MGLL: variants seen among roughly 807,000 people sequenced by gnomAD.
MGLL encodes the protein lysophospholipase homolog.
Under a neutral mutation model 29.1 loss-of-function variants are expected in MGLL, and 7 were observed. The ratio of observed to expected loss-of-function variants is 0.24; its 90% CI spans 0.14 to 0.45. The LOEUF (loss-of-function observed/expected upper bound fraction) is 0.45, where lower values mean the gene tolerates loss of function less well. MGLL is among the 20% of genes least tolerant of loss of function. The probability of loss-of-function intolerance (pLI) is 0.99; values close to 1 mark genes in which losing one functional copy is unlikely to be tolerated. For missense variants in MGLL, 356 were observed against 413.6 expected (o/e 0.86, Z 1.21); for synonymous variants, 148 against 168.3 (o/e 0.88, Z 0.93).
At chr3:127,729,718 AT>A (rs1243135183) in intron 3 of MGLL, among the ~76,000 whole-genome samples, 1 of 152,080 alleles carries the variant, frequency 6.6e-6, no homozygotes, top group Non-Finnish European at 1.5e-5. Flanking sequence ...CTATTTCTGG[AT>A]TTCTGCTCAG....
intron 2 of MGLL, among the ~76,000 whole-genome samples, chr3:127,816,249 T>C (rs1276821823): frequency 6.6e-6 from 1 of 152,158 alleles, no homozygotes; most frequent in Non-Finnish European, 1.5e-5. Context: ...TCACACTCCC[T>C]TCTACACTCA....
intron 3 of MGLL, among the ~76,000 whole-genome samples, chr3:127,759,280 A>AC (rs138465739): frequency 0.029 from 4,479 of 152,000 alleles, 221 homozygotes; most frequent in African/African-American, 0.1. Context: ...CTATTCTGTG[A>AC]CCCCAGCAAC....
intron 3 of MGLL, among the ~76,000 whole-genome samples, chr3:127,771,651 C>T (rs562609215): frequency 1.1e-4 from 17 of 152,276 alleles, no homozygotes; most frequent in South Asian, 1.0e-3. Context: ...CCACCAAGCC[C>T]GGCCTTCTCC....
chr3:127,821,786 C>T lies in MGLL; in HGVS notation c.63G>A (p.Pro21=), dbSNP rs375899676. 136 of 1,614,042 alleles carry T rather than the reference C, an allele frequency of 8.4e-5. No individual in the cohort carries two copies. Among genetic ancestry groups the T allele is most frequent in the Non-Finnish European group, 1.1e-4 (130 of 1,179,970 alleles). The stretch of plus-strand genomic sequence containing the variant: ...GGAGGTCCTGGTAGGGAATGCTCTG[C>T]GGGGTCCGCCTGGGGGAACTTTCCT... ...MPEESSPRRT[P]QSIPYQDLPH... The change falls in exon 2 of 8, where the codon CCG becomes CCA. Residue 21 remains proline, a synonymous_variant. Coordinates refer to ENST00000265052, the MANE Select transcript of MGLL (RefSeq NM_007283.7).
intron 3 of MGLL, among the ~76,000 whole-genome samples, chr3:127,769,539 A>G (rs888459926): frequency 3.9e-5 from 6 of 152,192 alleles, no homozygotes; most frequent in Non-Finnish European, 7.4e-5. Flanking sequence ...TCTCAGATGA[A>G]GATGGCAAGG....
chr3:127,755,796 T>A (rs2076653658), intron 3 of MGLL, among the ~76,000 whole-genome samples: 1 of 152,278 alleles, frequency 6.6e-6, no homozygotes, highest in African/African-American at 2.4e-5. Context: ...AGACACTTTC[T>A]ATGACTATTG....
intron 2 of MGLL, among the ~76,000 whole-genome samples, chr3:127,782,330 G>A (rs41266489): frequency 0.027 from 4,123 of 152,266 alleles, 93 homozygotes; most frequent in Non-Finnish European, 0.041. Flanking sequence ...TGGGCTCCAG[G>A]CATTGTCAAA....
Position 127,689,896 on chromosome 3 carries a change from T to G in MGLL, c.*2302A>C, listed in dbSNP as rs564045224. On this transcript the variant is annotated 3_prime_UTR_variant, in exon 8 of 8. Transcript: ENST00000265052. ...TTCTGGATAACATGACAGTCCCAAT[T>G]TCAGGAAAGTTTTTATTTTAAATAT... 2 of 152,234 alleles carry G rather than the reference T, an allele frequency of 1.3e-5. No individual in the cohort carries two copies. Among genetic ancestry groups the G allele is most frequent in the East Asian group, 3.9e-4 (2 of 5,164 alleles). 9.4% of individuals were successfully genotyped at this position (152,234 alleles called of 1,614,324 possible). A position where few individuals can be genotyped will look rare whatever the true frequency, so the allele number is the denominator to read the frequency against.
At chr3:127,703,567 T>A (rs1296413089) in intron 6 of MGLL, among the ~76,000 whole-genome samples, 1 of 152,216 alleles carries the variant, frequency 6.6e-6, no homozygotes, top group Non-Finnish European at 1.5e-5. Flanking sequence ...GCATTCAGGA[T>A]CGTGGTGTCT....
intron 6 of MGLL, among the ~76,000 whole-genome samples, chr3:127,707,733 C>A (rs1486702786): frequency 1.3e-5 from 2 of 152,188 alleles, no homozygotes; most frequent in African/African-American, 4.8e-5. Flanking sequence ...CATCATTGTG[C>A]ATTGGGTAGT....
intron 3 of MGLL, among the ~76,000 whole-genome samples, chr3:127,726,390 TAAC>T (rs1259064089): frequency 6.6e-6 from 1 of 151,964 alleles, no homozygotes; most frequent in African/African-American, 2.4e-5. Flanking sequence ...TTGCAGATTA[TAAC>T]AACAGACAAA....
At chr3:127,693,755 G>C (rs1000858282) in intron 7 of MGLL, among the ~76,000 whole-genome samples, 1 of 152,196 alleles carries the variant, frequency 6.6e-6, no homozygotes, top group Non-Finnish European at 1.5e-5. Flanking sequence ...TTCCGGGGGG[G>C]CAGGGCAGAG....
At chr3:127,778,290 G>A (rs765218972) in intron 3 of MGLL, among the ~76,000 whole-genome samples, 14 of 152,206 alleles carry the variant, frequency 9.2e-5, no homozygotes, top group Admixed American at 5.9e-4. Flanking sequence ...AACGGCCTGT[G>A]CAGGCCTGAG....
At chr3:127,743,572 T>TA (rs35691902) in intron 3 of MGLL, among the ~76,000 whole-genome samples, 4,754 of 40,708 alleles carry the variant, frequency 0.12, 902 homozygotes, top group African/African-American at 0.22. Flanking sequence ...CCACTAATGC[T>TA]AAAAAAAAAA....
intron 3 of MGLL, among the ~76,000 whole-genome samples, chr3:127,745,413 G>A (rs1245408334): frequency 1.3e-5 from 2 of 152,296 alleles, no homozygotes; most frequent in Non-Finnish European, 2.9e-5. Flanking sequence ...GGATGGACCT[G>A]GAGGCCATTA....
At chr3:127,740,026 C>T (rs2076310100) in intron 3 of MGLL, among the ~76,000 whole-genome samples, 2 of 152,228 alleles carry the variant, frequency 1.3e-5, no homozygotes, top group Admixed American at 1.3e-4. Context: ...CAGCAGGCAG[C>T]TCTGAGTGGG....
chr3:127,729,927 T>C lies in MGLL; in HGVS notation c.263-7361A>G, dbSNP rs115381954. On this transcript the variant is annotated intron_variant, in intron 3 of 7. Coordinates refer to ENST00000265052, the MANE Select transcript of MGLL (RefSeq NM_007283.7). The stretch of plus-strand genomic sequence containing the variant: ...ATAAACTGTTTCTGACTCTGGCTTC[T>C]TTCCAGAGCTACAGATCCATCCTGC... Among the ~76,000 whole-genome samples, 613 of 152,336 alleles carry C rather than the reference T, an allele frequency of 4.0e-3. 7 individuals carry two copies. Among genetic ancestry groups the C allele is most frequent in the African/African-American group, 0.014 (581 of 41,568 alleles).
At chr3:127,726,206 GACA>G (rs1273980973) in intron 3 of MGLL, among the ~76,000 whole-genome samples, 6 of 115,084 alleles carry the variant, frequency 5.2e-5, no homozygotes, top group Admixed American at 8.8e-5. Context: ...AAGAAAGAAA[GACA>G]GAAGGAAGGA....
Position 127,710,654 on chromosome 3 carries a change from C to T in MGLL, c.522G>A (p.Ala174=), listed in dbSNP as rs370914770. ...TTGGCAGCACAAGGTTGAGCACTTT[C>T]GCAGCAAGGACCTAGCCGGGGAGGG... ...ESATTFKVLA[A]KVLNLVLPNL... Residue 174 remains alanine, a synonymous_variant, in exon 6 of 8, where the codon GCG becomes GCA. Coordinates refer to ENST00000265052, the MANE Select transcript of MGLL (RefSeq NM_007283.7). 3.7e-5 allele frequency: 58 copies of T among 1,570,486 alleles called. No individual in the cohort carries two copies. Among genetic ancestry groups the T allele is most frequent in the South Asian group, 4.7e-5 (4 of 85,444 alleles).
Sources: gnomAD v4.1 joint callset for allele counts (sites outside exome capture counted in the v4.1 genomes callset) on GRCh38, gnomAD v4.1.1 for gene constraint, MANE v1.5 for transcripts, NCBI Gene and HGNC (gene_info 2026-07-23, HGNC 2026-07-21) for gene names.